TLR2: variants seen among roughly 807,000 people sequenced by gnomAD.
TLR2 encodes toll-like receptor 2.
Under a neutral mutation model 9.1 loss-of-function variants are expected in TLR2, and 7 were observed. The observed-to-expected ratio is 0.77, with a 90% CI of 0.44 to 1.44. The LOEUF (loss-of-function observed/expected upper bound fraction) is 1.44, where lower values mean the gene tolerates loss of function less well. TLR2 is among the 40% of genes most tolerant of loss of function. The pLI is 0.01. For missense variants in TLR2, 812 were observed against 904.6 expected, an observed-to-expected ratio of 0.90 and a Z score of 1.31; for synonymous variants, 317 against 344.6, an observed-to-expected ratio of 0.92 and a Z score of 0.89.
chr4:153,703,139 C>T lies in TLR2; in HGVS notation c.232C>T (p.Leu78Phe). The T allele has an allele frequency of 6.2e-7, 1 of 1,614,162 alleles. No individual in the cohort carries two copies. Reference sequence around the variant, plus strand: ...CAGTGACCTACAGAGGTGTGTGAACCTCCAGGCTCTGGTGCTGACATCCAA... The same window carrying T: ...CAGTGACCTACAGAGGTGTGTGAACTTCCAGGCTCTGGTGCTGACATCCAA... ...SNSDLQRCVN[L>F]QALVLTSNGI... is the part of the protein sequence containing the mutation. Residue 78 changes from leucine (L) to phenylalanine (F), a missense_variant, in exon 3 of 3, where the codon CTC (leucine) becomes TTC (phenylalanine). By Grantham distance (22) the Leu-to-Phe change is conservative. Transcript: ENST00000642700.
At chr4:153,696,211 G>T (rs879837039) in intron 2 of TLR2, among the ~76,000 whole-genome samples, 2 of 152,092 alleles carry the variant, frequency 1.3e-5, no homozygotes, top group Admixed American at 6.5e-5. Context: ...ACATATTTCT[G>T]TGAAGAATGT....
At chr4:153,710,201 A>G (rs1228642828), downstream of TLR2, 1 of 531,824 alleles carries the variant, frequency 1.9e-6, no homozygotes, top group East Asian at 3.0e-5. Flanking sequence ...TGTTTATTCC[A>G]TTGTTCAGCT....
intron 2 of TLR2, chr4:153,701,679 C>T (rs1446292138): frequency 7.4e-5 from 11 of 149,450 alleles, no homozygotes; most frequent in Admixed American, 1.3e-4. Context: ...TGATTATGTA[C>T]AGTTTCTTTG....
At chr4:153,694,624 A>T (rs901362689) in intron 2 of TLR2, among the ~76,000 whole-genome samples, 8 of 152,248 alleles carry the variant, frequency 5.3e-5, no homozygotes, top group Non-Finnish European at 8.8e-5. Context: ...GATAATAATA[A>T]CATCACGGTA....
chr4:153,703,287 C>A lies in TLR2; in HGVS notation c.380C>A (p.Thr127Lys). The A allele has an allele frequency of 1.2e-6, 2 of 1,611,704 alleles. No individual in the cohort carries two copies. The highest frequency in any genetic ancestry group is 1.7e-6 in the Non-Finnish European group (2 of 1,179,444). ...SSWFKPLSSL[T>K]FLNLLGNPYK... ...TGGTTCAAGCCCCTTTCTTCTTTAA[C>A]ATTCTTAAACTTACTGGGAAATCCT... Residue 127 changes from threonine (T) to lysine (K), a missense_variant, in exon 3 of 3, where the codon ACA (threonine) becomes AAA (lysine). Physicochemically the swap from Thr to Lys is moderately conservative, Grantham distance 78 (BLOSUM62 -1). Transcript: ENST00000642700.
At chr4:153,693,230 G>C (rs916367999) in intron 2 of TLR2, among the ~76,000 whole-genome samples, 4 of 152,200 alleles carry the variant, frequency 2.6e-5, no homozygotes, top group African/African-American at 9.7e-5. Context: ...CTACCTAGAA[G>C]TAATCCTACC....
At position 153,685,801 on chromosome 4, in the gene TLR2, G is replaced by T. The variant is rs531102931; in HGVS notation, c.-163+1441G>T. Among the ~76,000 whole-genome samples, 6 of 152,306 alleles carry T rather than the reference G, an allele frequency of 3.9e-5. No homozygotes were observed. In the South Asian group the frequency reaches 1.2e-3, roughly 32 times the overall value. ...CCAAATTTAAAAGAGGGCAAGAAAA[G>T]AGAGACAATAGAACATAAAACAAAT... is the stretch of plus-strand genomic sequence containing the variant. On this transcript the variant is annotated intron_variant, in intron 1 of 2. Coordinates refer to ENST00000642700, the MANE Select transcript of TLR2 (RefSeq NM_001318789.2).
chr4:153,691,063 A>G (rs1736080113), intron 2 of TLR2, among the ~76,000 whole-genome samples: 1 of 152,258 alleles, frequency 6.6e-6, no homozygotes. Flanking sequence ...CCTCAATTAC[A>G]GCTAAAGCTC....
intron 2 of TLR2, among the ~76,000 whole-genome samples, chr4:153,698,443 T>G (rs1736656312): frequency 6.6e-6 from 1 of 152,158 alleles, no homozygotes; most frequent in South Asian, 2.1e-4. Flanking sequence ...AACTGATATT[T>G]AAAATGATAT....
Position 153,705,154 on chromosome 4 carries a change from C to T in TLR2, c.2247C>T (p.Phe749=). Residue 749 remains phenylalanine (F), a synonymous_variant, in exon 3 of 3, where the codon TTC becomes TTT. Coordinates refer to ENST00000642700, the MANE Select transcript of TLR2 (RefSeq NM_001318789.2). ...PIEKKAIPQR[F]CKLRKIMNTK... ...AGAAAAAAGCCATTCCCCAGCGCTTCTGCAAGCTGCGGAAGATAATGAACA... is the reference window on the plus strand; with the variant it reads ...AGAAAAAAGCCATTCCCCAGCGCTTTTGCAAGCTGCGGAAGATAATGAACA... 6.2e-7 allele frequency: 1 copy of T among 1,614,188 alleles called. No individual in the cohort carries two copies. Among genetic ancestry groups the T allele is most frequent in the Middle Eastern group, 1.6e-4 (1 of 6,062 alleles).
At chr4:153,684,489 CT>C (rs1391238601) in intron 1 of TLR2, 129 bp downstream of exon 1, 3 of 152,492 alleles carry the variant, frequency 2.0e-5, no homozygotes, top group African/African-American at 7.2e-5. Context: ...TCGGCTGCAC[CT>C]GGGCCCCTAG....
In TLR2 at chr4:153,704,737, C is replaced by A; in HGVS notation, c.1830C>A (p.His610Gln). ...LLILLTGVLC[H>Q]RFHGLWYMKM... ...TCCTGCTCACGGGGGTCCTGTGCCA[C>A]CGTTTCCATGGCCTGTGGTATATGA... Residue 610 changes from histidine (H) to glutamine (Q), a missense_variant, in exon 3 of 3, where the codon CAC (histidine) becomes CAA (glutamine). Coordinates refer to ENST00000642700, the MANE Select transcript of TLR2 (RefSeq NM_001318789.2). The A allele has an allele frequency of 6.2e-7, 1 of 1,614,008 alleles. No homozygotes were observed.
intron 2 of TLR2, among the ~76,000 whole-genome samples, chr4:153,693,097 A>G (rs1237877707): frequency 2.0e-5 from 3 of 152,330 alleles, no homozygotes; most frequent in Non-Finnish European, 2.9e-5. Flanking sequence ...GAGCTGTGCT[A>G]TATGCTCTCC....
chr4:153,699,530 A>G (rs1736737927), intron 2 of TLR2, among the ~76,000 whole-genome samples: 1 of 152,216 alleles, frequency 6.6e-6, no homozygotes, highest in Non-Finnish European at 1.5e-5. Context: ...TGCAAAGGCT[A>G]TATAGTTGCC....
rs1737212825 is a variant in TLR2, at chr4:153,704,760, T to C, written c.1853T>C (p.Met618Thr). The C allele has an allele frequency of 1.2e-6, 2 of 1,613,942 alleles. No individual in the cohort carries two copies. Among genetic ancestry groups the C allele is most frequent in the South Asian group, 1.1e-5 (1 of 91,062 alleles). ...CACCGTTTCCATGGCCTGTGGTATA[T>C]GAAAATGATGTGGGCCTGGCTCCAG... Reference protein sequence around the residue: ...LCHRFHGLWYMKMMWAWLQAK... With the variant: ...LCHRFHGLWYTKMMWAWLQAK... Residue 618 changes from methionine to threonine, a missense_variant, in exon 3 of 3, where the codon ATG becomes ACG. Physicochemically the swap from Met to Thr is moderately conservative, Grantham distance 81 (BLOSUM62 -1). Coordinates refer to ENST00000642700, the MANE Select transcript of TLR2 (RefSeq NM_001318789.2).
chr4:153,685,979 G>T (rs1735675016), intron 1 of TLR2, among the ~76,000 whole-genome samples: 1 of 152,174 alleles, frequency 6.6e-6, no homozygotes. Context: ...TCTGGTGAGG[G>T]TCATCTGGCT....
chr4:153,693,162 G>A (rs1436936966), intron 2 of TLR2, among the ~76,000 whole-genome samples: 1 of 152,098 alleles, frequency 6.6e-6, no homozygotes, highest in East Asian at 1.9e-4. Flanking sequence ...TTTCCCCTTT[G>A]TAATCTGAAT....
chr4:153,690,883 G>A lies in TLR2; in HGVS notation c.-17+2836G>A, dbSNP rs142732760. On this transcript the variant is annotated intron_variant, in intron 2 of 2. Transcript: ENST00000642700. ...GTGTATGAGCCCTAATGTGAGTGAT[G>A]TAAAAAGGGTGCATTCTACTCCTAA... Among the ~76,000 whole-genome samples, 759 of 152,326 alleles carry A rather than the reference G, an allele frequency of 5.0e-3. 7 individuals are homozygous for A. The highest frequency in any genetic ancestry group is 0.018 in the African/African-American group (728 of 41,586).
chr4:153,705,383 C>A lies in TLR2; in HGVS notation c.*121C>A. ...GGATGTACCGTCATTTGAGGACTTG[C>A]TTACTAAAACTACAAAACTTCAAAT... On this transcript the variant is annotated 3_prime_UTR_variant, in exon 3 of 3. Coordinates refer to ENST00000642700, the MANE Select transcript of TLR2 (RefSeq NM_001318789.2). 9.1e-7 allele frequency: 1 copy of A among 1,104,950 alleles called. No individual in the cohort carries two copies. 68.4% of individuals were successfully genotyped at this position (1,104,950 alleles called of 1,614,324 possible).
Sources: allele counts gnomAD v4.1 joint callset (sites outside exome capture counted in the v4.1 genomes callset), GRCh38; gene constraint gnomAD v4.1.1; transcripts MANE v1.5; gene names NCBI Gene and HGNC (gene_info 2026-07-23, HGNC 2026-07-21).